COX10: variants seen among roughly 807,000 people sequenced by gnomAD.
COX10 encodes the protein protoheme IX farnesyltransferase, mitochondrial.
Under a neutral mutation model 37.3 loss-of-function variants are expected in COX10, and 27 were observed. The observed-to-expected ratio is 0.72, with a 90% CI of 0.53 to 1.00. The LOEUF (loss-of-function observed/expected upper bound fraction) is 1.00, where lower values mean the gene tolerates loss of function less well. Among genes scored for constraint, COX10 ranks in the 50% least tolerant of loss-of-function variants. COX10 has a pLI of 0.00. For missense variants in COX10, 475 were observed against 563.2 expected, an observed-to-expected ratio of 0.84 and a Z score of 1.59; for synonymous variants, 222 against 229.1, an observed-to-expected ratio of 0.97 and a Z score of 0.28.
At position 14,205,067 on chromosome 17, in the gene COX10, A is replaced by G. The variant is rs779386200; in HGVS notation, c.929-1743A>G. ...GGCTGCAGTGAGCTGAGACTGTGCC[A>G]CTGCACTCCAGCCAACCTTGTCCTG... is the stretch of plus-strand genomic sequence containing the variant. On this transcript the variant is annotated intron_variant, in intron 6 of 6. Transcript: ENST00000261643. Among the ~76,000 whole-genome samples the G allele has an allele frequency of 9.8e-5, 15 of 152,308 alleles. No homozygotes were observed. In the South Asian group the frequency reaches 1.2e-3, roughly 13 times the overall value.
intron 4 of COX10, among the ~76,000 whole-genome samples, chr17:14,157,699 G>A (rs1905071617): frequency 6.6e-6 from 1 of 152,152 alleles, no homozygotes; most frequent in African/African-American, 2.4e-5. Context: ...ATGCAGCCAT[G>A]GCCTCAGGTA....
chr17:14,094,744 C>A (rs1915606175), intron 3 of COX10, among the ~76,000 whole-genome samples: 1 of 152,122 alleles, frequency 6.6e-6, no homozygotes, highest in African/African-American at 2.4e-5. Context: ...GTGCAGTGAC[C>A]AGAGAAATAT....
intron 4 of COX10, among the ~76,000 whole-genome samples, chr17:14,108,559 T>C (rs879302161): frequency 1.3e-5 from 2 of 152,138 alleles, no homozygotes; most frequent in Non-Finnish European, 2.9e-5. Context: ...GAATGTTGAA[T>C]AATTTTTGTG....
At chr17:14,161,605 G>C (rs1222839345) in intron 5 of COX10, among the ~76,000 whole-genome samples, 2 of 152,178 alleles carry the variant, frequency 1.3e-5, no homozygotes, top group Non-Finnish European at 2.9e-5. Context: ...TTTGCCCTCA[G>C]TATTGGTGGG....
chr17:14,107,255 C>T (rs1331062649), intron 4 of COX10, among the ~76,000 whole-genome samples: 1 of 152,064 alleles, frequency 6.6e-6, no homozygotes, highest in East Asian at 1.9e-4. Context: ...GCCCAAGATC[C>T]TGGCTATAAT....
intron 5 of COX10, among the ~76,000 whole-genome samples, chr17:14,163,748 C>CTT (rs1905218835): frequency 6.6e-6 from 1 of 152,202 alleles, no homozygotes; most frequent in African/African-American, 2.4e-5. Context: ...AGTCGGCCTG[C>CTT]TCTAATGGAC....
chr17:14,135,764 A>C (rs1904344374), intron 4 of COX10, among the ~76,000 whole-genome samples: 2 of 151,926 alleles, frequency 1.3e-5, no homozygotes, highest in Admixed American at 1.3e-4. Context: ...AGATTTCAAC[A>C]TTGCAATTCA....
chr17:14,158,245 T>A (rs924432408), intron 4 of COX10, among the ~76,000 whole-genome samples: 1 of 151,206 alleles, frequency 6.6e-6, no homozygotes, highest in Admixed American at 6.6e-5. Flanking sequence ...AAAAAAAAAA[T>A]TAAAAGTAGG....
At chr17:14,122,353 G>A (rs1916248672) in intron 4 of COX10, among the ~76,000 whole-genome samples, 1 of 152,090 alleles carries the variant, frequency 6.6e-6, no homozygotes, top group Admixed American at 6.6e-5. Context: ...AATCTTCAAT[G>A]TGCTCTGGCA....
intron 4 of COX10, among the ~76,000 whole-genome samples, chr17:14,142,700 ATTTC>A (rs1439497672): frequency 6.6e-6 from 1 of 152,162 alleles, no homozygotes; most frequent in African/African-American, 2.4e-5. Context: ...AAAAGCAAAC[ATTTC>A]TTCCCAGTTT....
At chr17:14,116,941 AC>A (rs1217473059) in intron 4 of COX10, among the ~76,000 whole-genome samples, 2 of 152,276 alleles carry the variant, frequency 1.3e-5, no homozygotes, top group African/African-American at 4.8e-5. Flanking sequence ...ACATTGTGCC[AC>A]CCACCCCTAA....
At chr17:14,168,939 C>T (rs1219972848) in intron 5 of COX10, among the ~76,000 whole-genome samples, 1 of 152,238 alleles carries the variant, frequency 6.6e-6, no homozygotes, top group Non-Finnish European at 1.5e-5. Context: ...AAATTTTCTG[C>T]AGGCAGCTTG....
In COX10 at chr17:14,175,092, G is replaced by GAGGGGTGC. The variant is rs566669328; in HGVS notation, c.695+15145_695+15146insAGGGGTGC. Among the ~76,000 whole-genome samples the GAGGGGTGC allele has an allele frequency of 3.4e-4, 24 of 70,024 alleles. 5 individuals carry two copies. Among genetic ancestry groups the GAGGGGTGC allele is most frequent in the African/African-American group, 7.9e-4 (22 of 27,812 alleles). 45.9% of individuals were successfully genotyped at this position (70,024 alleles called of 152,430 possible). ...GGTTACTGGGAAATAGCGGGGGGGG[G>GAGGGGTGC]GGGGGTGGATAGGAGGGAATTGGCT... is the stretch of plus-strand genomic sequence containing the variant. On this transcript the variant is annotated intron_variant, in intron 5 of 6. Coordinates refer to ENST00000261643, the MANE Select transcript of COX10 (RefSeq NM_001303.4).
At chr17:14,181,865 C>T (rs571648732) in intron 5 of COX10, among the ~76,000 whole-genome samples, 3 of 152,122 alleles carry the variant, frequency 2.0e-5, no homozygotes, top group East Asian at 3.9e-4. Flanking sequence ...TTAAAAATTC[C>T]GAAGTCTTTG....
At chr17:14,169,183 C>T (rs924975195) in intron 5 of COX10, among the ~76,000 whole-genome samples, 1 of 152,182 alleles carries the variant, frequency 6.6e-6, no homozygotes, top group Non-Finnish European at 1.5e-5. Flanking sequence ...GTTCAAAGTT[C>T]CACAGATCTC....
At position 14,076,802 on chromosome 17, in the gene COX10, C is replaced by T. The variant is rs774184416; in HGVS notation, c.245C>T (p.Pro82Leu). 2 of 1,614,134 alleles carry T rather than the reference C, an allele frequency of 1.2e-6. No individual in the cohort carries two copies. Among genetic ancestry groups the T allele is most frequent in the Non-Finnish European group, 1.7e-6 (2 of 1,180,024 alleles). ...CCCAAGCCAGAACCAGTAGCATCTC[C>T]TTTCCTTGAAAAAACATCTTCAGGT... ...VRPKPEPVASPFLEKTSSGQA... is the reference protein window; with the variant it reads ...VRPKPEPVASLFLEKTSSGQA... Residue 82 changes from proline to leucine, a missense_variant, in exon 3 of 7, where the codon CCT (proline) becomes CTT (leucine). Physicochemically the swap from Pro to Leu is moderately conservative, Grantham distance 98. Around this residue, in one of 5 missense-constraint regions of COX10, gnomAD observed 242 missense variants for 242.5 expected, o/e 1.00. Transcript: ENST00000261643.
intron 4 of COX10, among the ~76,000 whole-genome samples, chr17:14,140,072 G>A (rs761723496): frequency 4.6e-5 from 7 of 152,126 alleles, no homozygotes; most frequent in Admixed American, 2.0e-4. Context: ...TTCCCAATGT[G>A]TTTTGGAAAG....
At position 14,207,074 on chromosome 17, in the gene COX10, G is replaced by T; in HGVS notation, c.1193G>T (p.Arg398Leu). 1 of 1,614,078 alleles carries T rather than the reference G, an allele frequency of 6.2e-7. No homozygotes were observed. The highest frequency in any genetic ancestry group is 8.5e-7 in the Non-Finnish European group (1 of 1,179,946). ...INAYISYLGFRFYVDADRRSS... is the reference protein window; with the variant it reads ...INAYISYLGFLFYVDADRRSS... ...GCGTACATCTCCTACCTCGGCTTCC[G>T]CTTCTACGTGGACGCAGACCGCAGG... The change falls in exon 7 of 7, where the codon CGC (arginine) becomes CTC (leucine). Residue 398 changes from arginine (R) to leucine (L), a missense_variant. This residue lies in a region of COX10 where 160 missense variants were observed against 180.6 expected (regional missense o/e 0.89). Transcript: ENST00000261643.
intron 3 of COX10, among the ~76,000 whole-genome samples, chr17:14,089,992 A>G (rs1915488168): frequency 6.6e-6 from 1 of 152,002 alleles, no homozygotes; most frequent in Non-Finnish European, 1.5e-5. Flanking sequence ...ACTTACAGCT[A>G]ACCTAGTCTA....
Sources: gnomAD v4.1 joint callset for allele counts (sites outside exome capture counted in the v4.1 genomes callset) on GRCh38, gnomAD v4.1.1 for gene constraint, gnomAD v4.1.1 regional missense constraint, MANE v1.5 for transcripts, NCBI Gene and HGNC (gene_info 2026-07-23, HGNC 2026-07-21) for gene names.